The following PANK1 variants were observed in gnomAD, a reference collection of about 807,000 sequenced individuals.
PANK1 encodes the protein pantothenate kinase 1.
Under a neutral mutation model 40.1 loss-of-function variants are expected in PANK1, and 18 were observed. The observed-to-expected ratio is 0.45, with a 90% CI of 0.31 to 0.67. The LOEUF (loss-of-function observed/expected upper bound fraction) is 0.67, where lower values mean the gene tolerates loss of function less well. Among genes scored for constraint, PANK1 ranks in the 30% least tolerant of loss-of-function variants. PANK1 has a pLI of 0.06. For synonymous variants in PANK1, 242 were observed against 237.7 expected (o/e 1.02, Z -0.17); for missense variants, 457 against 599.6 (o/e 0.76, Z 2.48).
At chr10:89,592,210 T>C in intron 5 of PANK1, among the ~76,000 whole-genome samples, 1 of 152,188 alleles carries the variant, frequency 6.6e-6, no homozygotes, top group Non-Finnish European at 1.5e-5. Context: ...GCCAGTAACA[T>C]ACTCTGTTCA....
chr10:89,593,260 C>A lies in PANK1; in HGVS notation c.1137G>T (p.Arg379=). The A allele has an allele frequency of 6.2e-7, 1 of 1,613,690 alleles. No homozygotes were observed. The highest frequency in any genetic ancestry group is 8.5e-7 in the Non-Finnish European group (1 of 1,179,720). The change falls in exon 5 of 7, where the codon CGG becomes CGT. Residue 379 remains arginine, a synonymous_variant. Coordinates refer to ENST00000307534, the MANE Select transcript of PANK1 (RefSeq NM_148977.3). ...TGTTGGTGATGGTGACCAATGTGGCCCGGGCGAGGTCTTCCTTGCTGATGG... is the reference window on the plus strand; with the variant it reads ...TGTTGGTGATGGTGACCAATGTGGCACGGGCGAGGTCTTCCTTGCTGATGG... ...RDSISKEDLA[R]ATLVTITNNI... is the part of the protein sequence containing the mutation.
chr10:89,607,230 T>A (rs1844995265), intron 2 of PANK1, among the ~76,000 whole-genome samples: 1 of 152,256 alleles, frequency 6.6e-6, no homozygotes, highest in Non-Finnish European at 1.5e-5. Context: ...ACAGTAGTAC[T>A]ATTAATTGGC....
At chr10:89,584,595 G>A (rs1240052720) in intron 6 of PANK1, 130 bp from the exon 7 acceptor site, 2 of 618,372 alleles carry the variant, frequency 3.2e-6, no homozygotes, top group Non-Finnish European at 5.8e-6. Context: ...CACAAAACAT[G>A]GCAGAATAAT....
At position 89,644,986 on chromosome 10, in the gene PANK1, G is replaced by A. The variant is rs774350926; in HGVS notation, c.-95C>T. 1.3e-6 allele frequency: 2 copies of A among 1,576,558 alleles called. No homozygotes were observed. Among genetic ancestry groups the A allele is most frequent in the Non-Finnish European group, 8.6e-7 (1 of 1,164,566 alleles). ...CTTTATTTCCCCGGATCCTCCCTGC[G>A]GCTTCCGATTCAGCAGCCGCAGAGC... is the stretch of plus-strand genomic sequence containing the variant. On this transcript the variant is annotated 5_prime_UTR_variant, in exon 1 of 7. Coordinates refer to ENST00000307534, the MANE Select transcript of PANK1 (RefSeq NM_148977.3).
intron 2 of PANK1, among the ~76,000 whole-genome samples, chr10:89,605,167 G>A (rs1844920641): frequency 6.6e-6 from 1 of 152,140 alleles, no homozygotes; most frequent in Non-Finnish European, 1.5e-5. Context: ...CTGGTGGAGG[G>A]TCTCCCCTCA....
intron 1 of PANK1, among the ~76,000 whole-genome samples, chr10:89,624,273 C>A (rs925480528): frequency 3.5e-4 from 53 of 152,098 alleles, no homozygotes; most frequent in Non-Finnish European, 1.0e-4. Context: ...ACCTGCCATA[C>A]TTTTAGGCAC....
At chr10:89,601,918 T>C (rs2133946649) in intron 2 of PANK1, among the ~76,000 whole-genome samples, 1 of 152,342 alleles carries the variant, frequency 6.6e-6, no homozygotes, top group Middle Eastern at 3.4e-3. Context: ...CCATTGCACT[T>C]ACAGCACAGG....
downstream of PANK1, chr10:89,581,320 T>G (rs1216623254): frequency 6.6e-6 from 1 of 152,254 alleles, no homozygotes; most frequent in Non-Finnish European, 1.5e-5. Context: ...TCTGAATCCA[T>G]GTATACTGCA....
chr10:89,591,172 T>C (rs1237843283), intron 5 of PANK1, among the ~76,000 whole-genome samples: 1 of 152,182 alleles, frequency 6.6e-6, no homozygotes, highest in Non-Finnish European at 1.5e-5. Context: ...TTGCTACCTT[T>C]GGAAAGATAA....
At chr10:89,585,934 T>C (rs1004020017) in intron 6 of PANK1, among the ~76,000 whole-genome samples, 5 of 152,192 alleles carry the variant, frequency 3.3e-5, no homozygotes, top group South Asian at 2.1e-4. Flanking sequence ...GTTACAAGAA[T>C]ACTCCATTTT....
intron 3 of PANK1, chr10:89,599,039 A>G: frequency 3.8e-6 from 2 of 524,020 alleles, no homozygotes; most frequent in Non-Finnish European, 6.7e-6. Flanking sequence ...CCTCAACCTG[A>G]CCAAAGTTTC....
chr10:89,642,898 C>G (rs1842007866), intron 1 of PANK1, among the ~76,000 whole-genome samples: 1 of 152,170 alleles, frequency 6.6e-6, no homozygotes, highest in Non-Finnish European at 1.5e-5. Flanking sequence ...CTTAAAACAA[C>G]TAGGATTTTT....
At position 89,584,566 on chromosome 10, in the gene PANK1, T is replaced by G. The variant is rs1021839969; in HGVS notation, c.1327-101A>C. On this transcript the variant is annotated intron_variant, in intron 6 of 6. Coordinates refer to ENST00000307534, the MANE Select transcript of PANK1 (RefSeq NM_148977.3). ...CACTAATATCGATAAAAGAGAAATT[T>G]AAAACCTAAATTGTGTGTCACAAAA... 15 of 779,006 alleles carry G rather than the reference T, an allele frequency of 1.9e-5. No individual in the cohort carries two copies. The African/African-American group carries it at 2.1e-4, about 11-fold the overall frequency. 48.3% of individuals were successfully genotyped at this position (779,006 alleles called of 1,614,324 possible).
At chr10:89,612,164 T>A in intron 1 of PANK1, 116 bp from the exon 2 acceptor site, 1 of 863,014 alleles carries the variant, frequency 1.2e-6, no homozygotes, top group Non-Finnish European at 1.8e-6. Flanking sequence ...CATTTAACAT[T>A]CAATTTATTT....
intron 1 of PANK1, among the ~76,000 whole-genome samples, chr10:89,643,302 GAA>G (rs1359091005): frequency 2.6e-5 from 4 of 152,166 alleles, no homozygotes; most frequent in African/African-American, 9.7e-5. Context: ...TAATACTAAT[GAA>G]AGTCATTTTC....
intron 1 of PANK1, among the ~76,000 whole-genome samples, chr10:89,634,150 T>A (rs550491994): frequency 1.8e-3 from 273 of 152,288 alleles, no homozygotes; most frequent in African/African-American, 6.2e-3. Context: ...ACCACAGTAA[T>A]AATAGCTAAC....
At chr10:89,580,852 A>G (rs1023340559), downstream of PANK1, 1 of 152,200 alleles carries the variant, frequency 6.6e-6, no homozygotes, top group East Asian at 1.9e-4. Context: ...ACATTTACAC[A>G]ATGTGTTCTC....
intron 1 of PANK1, among the ~76,000 whole-genome samples, chr10:89,638,268 G>T (rs958802856): frequency 6.6e-6 from 1 of 152,202 alleles, no homozygotes; most frequent in Non-Finnish European, 1.5e-5. Flanking sequence ...TTGGTGAAAA[G>T]GTCTATATGT....
Sources: gnomAD v4.1 joint callset for allele counts (sites outside exome capture counted in the v4.1 genomes callset) on GRCh38, gnomAD v4.1.1 for gene constraint, MANE v1.5 for transcripts, NCBI Gene and HGNC (gene_info 2026-07-23, HGNC 2026-07-21) for gene names.